MRPS6: variants seen among roughly 807,000 people sequenced by gnomAD.
The protein encoded by MRPS6 is small ribosomal subunit protein bS6m.
In MRPS6, 6 loss-of-function variants were observed where a neutral mutation model predicts 13.1. The ratio of observed to expected loss-of-function variants is 0.46; its 90% CI spans 0.25 to 0.91. MRPS6 has a LOEUF of 0.91. MRPS6 is among the 40% of genes least tolerant of loss of function. The pLI is 0.18. For missense variants in MRPS6, 164 were observed against 155.6 expected (o/e 1.05, Z -0.29); for synonymous variants, 61 against 56.5 (o/e 1.08, Z -0.36).
At chr21:34,091,940 C>T (rs1217460648) in intron 1 of MRPS6, among the ~76,000 whole-genome samples, 1 of 147,534 alleles carries the variant, frequency 6.8e-6, no homozygotes, top group Non-Finnish European at 1.5e-5. Flanking sequence ...TATAATTTTA[C>T]TTGAGAGGTT....
chr21:34,097,381 C>T, intron 1 of MRPS6: 1 of 1,556,230 alleles, frequency 6.4e-7, no homozygotes, highest in Non-Finnish European at 8.7e-7. Flanking sequence ...GAGACACTAA[C>T]TTAAGACAAT....
chr21:34,074,851 C>CT (rs1355855564), intron 1 of MRPS6, among the ~76,000 whole-genome samples: 2 of 152,228 alleles, frequency 1.3e-5, no homozygotes, highest in African/African-American at 4.8e-5. Flanking sequence ...AATTGATAAA[C>CT]TAACAATCAC....
In MRPS6 at chr21:34,142,743, T is replaced by C. The variant is rs543760317; in HGVS notation, c.*143T>C. The C allele has an allele frequency of 2.0e-6, 2 of 990,602 alleles. No homozygotes were observed. Among genetic ancestry groups the C allele is most frequent in the Non-Finnish European group, 2.8e-6 (2 of 722,824 alleles). 61.4% of individuals were successfully genotyped at this position (990,602 alleles called of 1,614,324 possible). On this transcript the variant is annotated 3_prime_UTR_variant, in exon 3 of 3. Coordinates refer to ENST00000399312, the MANE Select transcript of MRPS6 (RefSeq NM_032476.4). ...ATTTTTCTAAGGTATTTTTAGCCCTTGATCCCCTTTGCTTGCGAGAGGTGG... is the reference window on the plus strand; with the variant it reads ...ATTTTTCTAAGGTATTTTTAGCCCTCGATCCCCTTTGCTTGCGAGAGGTGG...
chr21:34,080,091 A>T (rs1989425842), intron 1 of MRPS6, among the ~76,000 whole-genome samples: 1 of 152,156 alleles, frequency 6.6e-6, no homozygotes, highest in Non-Finnish European at 1.5e-5. Context: ...TGGTCTCCTG[A>T]CATACTACTG....
At chr21:34,098,848 G>A in intron 1 of MRPS6, 1 of 999,502 alleles carries the variant, frequency 1.0e-6, no homozygotes. Flanking sequence ...TGTCCTCCAT[G>A]AAAGATGAAG....
chr21:34,090,693 A>G (rs1978640596), intron 1 of MRPS6, among the ~76,000 whole-genome samples: 1 of 152,198 alleles, frequency 6.6e-6, no homozygotes, highest in South Asian at 2.1e-4. Flanking sequence ...GCACTGGGCA[A>G]TACTAGCTTT....
intron 1 of MRPS6, chr21:34,124,144 A>T (rs1473137756): frequency 6.6e-6 from 1 of 152,074 alleles, no homozygotes; most frequent in East Asian, 1.9e-4. Context: ...TGAGCTTAAG[A>T]TTTACATCTG....
At chr21:34,116,478 T>G (rs1027060116) in intron 1 of MRPS6, among the ~76,000 whole-genome samples, 5 of 152,142 alleles carry the variant, frequency 3.3e-5, no homozygotes, top group African/African-American at 1.2e-4. Context: ...TGAACCAGTC[T>G]CCATTGGGCA....
intron 1 of MRPS6, chr21:34,101,697 G>T: frequency 1.0e-6 from 1 of 999,656 alleles, no homozygotes. Flanking sequence ...GTGATGTTTT[G>T]CCCCAGTATT....
rs140031546 is a variant in MRPS6, at chr21:34,141,179, G to A, written c.186-1229G>A. ...TTTACTCTGGACCTGCTCCGTGTTC[G>A]TCTCTATTCGGAGTGCTAGGGTTAA... On this transcript the variant is annotated intron_variant, in intron 2 of 2. Coordinates refer to ENST00000399312, the MANE Select transcript of MRPS6 (RefSeq NM_032476.4). 5.5e-4 allele frequency among the ~76,000 whole-genome samples: 83 copies of A among 152,276 alleles called. 1 individual carries two copies. The highest frequency in any genetic ancestry group is 1.5e-3 in the African/African-American group (64 of 41,554).
intron 1 of MRPS6, among the ~76,000 whole-genome samples, chr21:34,117,805 G>A (rs1005735538): frequency 6.6e-6 from 1 of 152,074 alleles, no homozygotes; most frequent in Non-Finnish European, 1.5e-5. Flanking sequence ...GTGTATGTAT[G>A]TATCTCCTTA....
intron 1 of MRPS6, among the ~76,000 whole-genome samples, chr21:34,109,957 T>G (rs1979633195): frequency 6.6e-6 from 1 of 152,180 alleles, no homozygotes; most frequent in Non-Finnish European, 1.5e-5. Flanking sequence ...GGAGCATAAT[T>G]AGGTGCTTGT....
At chr21:34,111,950 A>C (rs765423155) in intron 1 of MRPS6, among the ~76,000 whole-genome samples, 2 of 151,548 alleles carry the variant, frequency 1.3e-5, no homozygotes. Flanking sequence ...GTTTGGATGC[A>C]CTGTTAAGTG....
intron 1 of MRPS6, among the ~76,000 whole-genome samples, chr21:34,118,406 G>A (rs1028173624): frequency 6.6e-6 from 1 of 151,792 alleles, no homozygotes; most frequent in African/African-American, 2.4e-5. Flanking sequence ...AATAAAATTC[G>A]CTTGTAAGTG....
At chr21:34,136,387 A>T (rs1186047385) in intron 2 of MRPS6, among the ~76,000 whole-genome samples, 1 of 152,134 alleles carries the variant, frequency 6.6e-6, no homozygotes, top group Admixed American at 6.5e-5. Context: ...ACTTCAGGTG[A>T]TCTGCCTGCT....
At chr21:34,080,705 C>A (rs951774825) in intron 1 of MRPS6, among the ~76,000 whole-genome samples, 1 of 152,182 alleles carries the variant, frequency 6.6e-6, no homozygotes, top group African/African-American at 2.4e-5. Flanking sequence ...GTTTTACCTC[C>A]TTTGCTAGAT....
At chr21:34,112,365 C>T (rs775585319) in intron 1 of MRPS6, among the ~76,000 whole-genome samples, 9 of 152,188 alleles carry the variant, frequency 5.9e-5, no homozygotes, top group Non-Finnish European at 1.0e-4. Context: ...ATGTGGAATG[C>T]GAGCGATACC....
intron 1 of MRPS6, among the ~76,000 whole-genome samples, chr21:34,093,806 G>A (rs1228216688): frequency 2.0e-5 from 3 of 152,156 alleles, no homozygotes; most frequent in Non-Finnish European, 4.4e-5. Flanking sequence ...ATATTTAAAT[G>A]TCTGTTTTGC....
At chr21:34,132,806 C>A (rs1980550646) in intron 2 of MRPS6, among the ~76,000 whole-genome samples, 1 of 152,144 alleles carries the variant, frequency 6.6e-6, no homozygotes, top group South Asian at 2.1e-4. Context: ...ATTCTGTAAC[C>A]CATTTGGTCC....
Sources: gnomAD v4.1 joint callset for allele counts (sites outside exome capture counted in the v4.1 genomes callset) on GRCh38, gnomAD v4.1.1 for gene constraint, MANE v1.5 for transcripts, NCBI Gene and HGNC (gene_info 2026-07-23, HGNC 2026-07-21) for gene names.